NEK7: variants seen among roughly 807,000 people sequenced by gnomAD.
NEK7 encodes NIMA related kinase 7.
A neutral mutation model predicts 44.6 loss-of-function variants in NEK7; 18 were observed. The observed-to-expected ratio is 0.40, with a 90% CI of 0.28 to 0.60. NEK7 has a LOEUF of 0.60. Among genes scored for constraint, NEK7 ranks in the 20% least tolerant of loss-of-function variants. The pLI, the probability that NEK7 is intolerant of heterozygous loss-of-function variation, is 0.38. For synonymous variants in NEK7, 130 were observed against 121.1 expected (o/e 1.07, Z -0.48); for missense variants, 256 against 366.5 (o/e 0.70, Z 2.46).
chr1:198,167,292 A>G (rs183277435), intron 1 of NEK7, among the ~76,000 whole-genome samples: 2 of 152,296 alleles, frequency 1.3e-5, no homozygotes, highest in Non-Finnish European at 2.9e-5. Context: ...AAAATTCAAC[A>G]AGCAAAATCT....
chr1:198,194,486 T>C (rs76433323), intron 1 of NEK7, among the ~76,000 whole-genome samples: 8 of 116,482 alleles, frequency 6.9e-5, no homozygotes, highest in African/African-American at 2.6e-4. Flanking sequence ...CTGTTGTTTC[T>C]CTCTATGTGT....
intron 8 of NEK7, among the ~76,000 whole-genome samples, chr1:198,295,407 G>A (rs1654684809): frequency 6.6e-6 from 1 of 152,086 alleles, no homozygotes; most frequent in African/African-American, 2.4e-5. Flanking sequence ...TCTAGCGATC[G>A]TCTCAGTGTG....
chr1:198,249,974 T>TA (rs1212163840), intron 2 of NEK7, among the ~76,000 whole-genome samples: 16 of 145,618 alleles, frequency 1.1e-4, no homozygotes, highest in Non-Finnish European at 7.5e-5. Context: ...TCCTGAATGG[T>TA]AACGCCTAGG....
chr1:198,289,566 A>C (rs140572821), intron 7 of NEK7, among the ~76,000 whole-genome samples: 80 of 152,302 alleles, frequency 5.3e-4, no homozygotes, highest in African/African-American at 1.8e-3. Flanking sequence ...TTTATCTTTC[A>C]CTGGTTTTGT....
At chr1:198,210,527 T>TA (rs1665731106) in intron 1 of NEK7, among the ~76,000 whole-genome samples, 2 of 152,112 alleles carry the variant, frequency 1.3e-5, no homozygotes, top group African/African-American at 4.8e-5. Context: ...TGTACCTTCT[T>TA]ATATGTAATC....
intron 1 of NEK7, among the ~76,000 whole-genome samples, chr1:198,177,487 A>G (rs1664638504): frequency 6.6e-6 from 1 of 152,112 alleles, no homozygotes; most frequent in Non-Finnish European, 1.5e-5. Context: ...ATCACATATG[A>G]GCTCTTCAAA....
intron 3 of NEK7, chr1:198,256,638 T>C (rs1653275671): frequency 1.1e-6 from 1 of 917,512 alleles, no homozygotes; most frequent in South Asian, 1.9e-5. Context: ...TGTTTATTGG[T>C]CAGTGTCTAA....
rs564324507 is a variant in NEK7, at chr1:198,206,680, A to T, written c.-28-25873A>T. Among the ~76,000 whole-genome samples the T allele has an allele frequency of 2.9e-4, 44 of 151,558 alleles. 1 individual carries two copies. The highest frequency in any genetic ancestry group is 9.9e-4 in the Admixed American group (15 of 15,224). On this transcript the variant is annotated intron_variant, in intron 1 of 9. Coordinates refer to ENST00000367385, the MANE Select transcript of NEK7 (RefSeq NM_133494.3). ...TACGGCAACAGCTCCAAAAAGATTT[A>T]AAAAAAAAGACAAGTGCTGTGAACT...
intron 1 of NEK7, among the ~76,000 whole-genome samples, chr1:198,224,086 C>T (rs1363928228): frequency 3.9e-5 from 6 of 152,012 alleles, no homozygotes; most frequent in Non-Finnish European, 8.8e-5. Flanking sequence ...TATTGAAATA[C>T]TTCTCTTTTT....
intron 2 of NEK7, among the ~76,000 whole-genome samples, chr1:198,237,391 T>A (rs1666567696): frequency 6.6e-6 from 1 of 152,110 alleles, no homozygotes; most frequent in Non-Finnish European, 1.5e-5. Context: ...TCAACCCTAA[T>A]GCTGCCCAAA....
At chr1:198,311,412 A>G (rs1217537527) in intron 9 of NEK7, among the ~76,000 whole-genome samples, 11 of 151,902 alleles carry the variant, frequency 7.2e-5, no homozygotes, top group African/African-American at 2.4e-4. Context: ...CTCTTTTCCT[A>G]ATTGAATACC....
intron 4 of NEK7, among the ~76,000 whole-genome samples, chr1:198,263,760 A>G (rs779181645): frequency 5.9e-5 from 9 of 151,886 alleles, no homozygotes; most frequent in Non-Finnish European, 1.3e-4. Flanking sequence ...TTTATCATTG[A>G]GTGTTCCTAA....
At chr1:198,288,329 G>A (rs1321806694) in intron 7 of NEK7, among the ~76,000 whole-genome samples, 1 of 152,220 alleles carries the variant, frequency 6.6e-6, no homozygotes, top group Non-Finnish European at 1.5e-5. Context: ...GCCATAACAG[G>A]TATTTATTTA....
chr1:198,211,108 T>C (rs1665757523), intron 1 of NEK7, among the ~76,000 whole-genome samples: 1 of 152,212 alleles, frequency 6.6e-6, no homozygotes, highest in African/African-American at 2.4e-5. Context: ...GTTAATAAAG[T>C]TAAGACAAAA....
chr1:198,184,549 TAAATG>T (rs928298637), intron 1 of NEK7, among the ~76,000 whole-genome samples: 17 of 152,202 alleles, frequency 1.1e-4, no homozygotes, highest in African/African-American at 3.6e-4. Context: ...TAATAATTCT[TAAATG>T]AAATTGATTT....
At chr1:198,260,520 C>G (rs1653426103) in intron 3 of NEK7, among the ~76,000 whole-genome samples, 1 of 151,582 alleles carries the variant, frequency 6.6e-6, no homozygotes, top group Non-Finnish European at 1.5e-5. Flanking sequence ...CTGTGGCTGA[C>G]ATGGTTAGAA....
At chr1:198,294,277 T>A (rs909599181) in intron 8 of NEK7, among the ~76,000 whole-genome samples, 2 of 152,040 alleles carry the variant, frequency 1.3e-5, no homozygotes, top group Non-Finnish European at 2.9e-5. Context: ...TGTTTTTATA[T>A]GTGCACGAGA....
chr1:198,160,450 T>C (rs566319079), intron 1 of NEK7, among the ~76,000 whole-genome samples: 125 of 152,240 alleles, frequency 8.2e-4, no homozygotes, highest in African/African-American at 2.8e-3. Flanking sequence ...CACATTTAAG[T>C]GTTTACCCCT....
At chr1:198,291,873 T>C (rs1558097752) in intron 7 of NEK7, among the ~76,000 whole-genome samples, 1 of 152,118 alleles carries the variant, frequency 6.6e-6, no homozygotes, top group Non-Finnish European at 1.5e-5. Context: ...CTTTGATTAT[T>C]GGTGTGAATC....
Sources: allele counts gnomAD v4.1 joint callset (sites outside exome capture counted in the v4.1 genomes callset), GRCh38; gene constraint gnomAD v4.1.1; transcripts MANE v1.5; gene names NCBI Gene and HGNC (gene_info 2026-07-23, HGNC 2026-07-21).